Variants in BMPR1A observed in about 807,000 individuals in gnomAD.
BMPR1A encodes the protein bone morphogenetic protein receptor type-1A.
In BMPR1A, 7 loss-of-function variants were observed where a neutral mutation model predicts 66.0. That is an observed-to-expected ratio of 0.11 (90% confidence interval 0.06 to 0.20). The LOEUF (loss-of-function observed/expected upper bound fraction) is 0.20. Among genes scored for constraint, BMPR1A ranks in the 10% least tolerant of loss-of-function variants. BMPR1A has a pLI of 1.00. For synonymous variants in BMPR1A, 200 were observed against 229.7 expected (o/e 0.87, Z 1.17); for missense variants, 408 against 669.1 (o/e 0.61, Z 4.31).
intron 2 of BMPR1A, among the ~76,000 whole-genome samples, chr10:86,863,411 C>A (rs1262148903): frequency 6.6e-6 from 1 of 152,180 alleles, no homozygotes; most frequent in African/African-American, 2.4e-5. Context: ...CCAGAATACT[C>A]AAGTGTGCCT....
At chr10:86,863,750 C>T (rs762162148) in intron 2 of BMPR1A, among the ~76,000 whole-genome samples, 12 of 152,034 alleles carry the variant, frequency 7.9e-5, no homozygotes, top group Non-Finnish European at 1.8e-4. Flanking sequence ...ACCAGCTCGC[C>T]CCTGAACTTT....
chr10:86,834,186 G>A (rs1349298810), intron 1 of BMPR1A, among the ~76,000 whole-genome samples: 1 of 152,200 alleles, frequency 6.6e-6, no homozygotes, highest in African/African-American at 2.4e-5. Flanking sequence ...CTGGCAAGGG[G>A]AATGGAAATT....
At position 86,832,396 on chromosome 10, in the gene BMPR1A, G is replaced by A. The variant is rs541293468; in HGVS notation, c.-267-6469G>A. ...CAGGAGAATTGCTTGAACCCGGGAG[G>A]CAGAGGTTGTGGTGAGCTGAGTTCG... On this transcript the variant is annotated intron_variant, in intron 1 of 12. Coordinates refer to ENST00000372037, the MANE Select transcript of BMPR1A (RefSeq NM_004329.3). Among the ~76,000 whole-genome samples the A allele has an allele frequency of 4.4e-3, 667 of 151,830 alleles. 5 individuals carry two copies. The highest frequency in any genetic ancestry group is 4.1e-3 in the Non-Finnish European group (281 of 67,988).
intron 2 of BMPR1A, chr10:86,855,621 G>A (rs944580722): frequency 3.1e-6 from 2 of 640,308 alleles, no homozygotes; most frequent in Non-Finnish European, 5.6e-6. Context: ...TTTACTTTCT[G>A]TAAAGGAAGT....
At chr10:86,830,629 T>G (rs1842256271) in intron 1 of BMPR1A, among the ~76,000 whole-genome samples, 1 of 152,016 alleles carries the variant, frequency 6.6e-6, no homozygotes, top group African/African-American at 2.4e-5. Flanking sequence ...ATATATCCTC[T>G]TCAATAAAAT....
chr10:86,865,396 T>TG (rs1842771595), intron 2 of BMPR1A, among the ~76,000 whole-genome samples: 2 of 152,136 alleles, frequency 1.3e-5, no homozygotes, highest in African/African-American at 4.8e-5. Context: ...CTGAGCACCT[T>TG]GCGACCCCCA....
At chr10:86,789,295 A>G (rs1454738599) in intron 1 of BMPR1A, among the ~76,000 whole-genome samples, 2 of 152,168 alleles carry the variant, frequency 1.3e-5, no homozygotes, top group African/African-American at 4.8e-5. Context: ...GATAAATTAA[A>G]CTTTATCAAA....
chr10:86,883,876 T>C (rs1298535374), intron 3 of BMPR1A, among the ~76,000 whole-genome samples: 1 of 151,110 alleles, frequency 6.6e-6, no homozygotes, highest in Non-Finnish European at 1.5e-5. Flanking sequence ...TATGACTTTT[T>C]TTTTTTTTTT....
At chr10:86,822,185 G>T (rs1468705360) in intron 1 of BMPR1A, among the ~76,000 whole-genome samples, 1 of 151,996 alleles carries the variant, frequency 6.6e-6, no homozygotes, top group Non-Finnish European at 1.5e-5. Flanking sequence ...TTTAGCATGT[G>T]TCATGTATTT....
At chr10:86,805,516 C>T (rs1392697389) in intron 1 of BMPR1A, among the ~76,000 whole-genome samples, 2 of 142,190 alleles carry the variant, frequency 1.4e-5, no homozygotes, top group African/African-American at 5.2e-5. Flanking sequence ...GCCTGGAGTG[C>T]AGTGGCAGGA....
At chr10:86,901,195 C>T (rs1327436981) in intron 7 of BMPR1A, among the ~76,000 whole-genome samples, 1 of 152,244 alleles carries the variant, frequency 6.6e-6, no homozygotes, top group African/African-American at 2.4e-5. Context: ...TTGGAAGTGA[C>T]TGCAAGCTCC....
intron 2 of BMPR1A, 148 bp from the exon 3 acceptor site, chr10:86,875,718 TA>T (rs979565563): frequency 0.094 from 32,435 of 345,698 alleles, no homozygotes; most frequent in South Asian, 0.14. Context: ...TTATAGTGCC[TA>T]AAAAAAAAAA....
At chr10:86,883,865 G>A (rs71503854) in intron 3 of BMPR1A, among the ~76,000 whole-genome samples, 2,088 of 124,444 alleles carry the variant, frequency 0.017, 29 homozygotes, top group Middle Eastern at 0.058. Flanking sequence ...TTGTTTGAGC[G>A]TATGACTTTT....
chr10:86,863,311 G>A (rs1842737685), intron 2 of BMPR1A, among the ~76,000 whole-genome samples: 1 of 152,148 alleles, frequency 6.6e-6, no homozygotes, highest in Non-Finnish European at 1.5e-5. Context: ...ATAGCAGCCT[G>A]TGTTTTCTTT....
rs1032354891 is a variant in BMPR1A, at chr10:86,841,763, G to C, written c.-153+2784G>C. ...GGCAGGATTAGAGTCAGAACTTTCA[G>C]TTCCCGCCCCCACCAACCCCCAACA... On this transcript the variant is annotated intron_variant, in intron 2 of 12. Coordinates refer to ENST00000372037, the MANE Select transcript of BMPR1A (RefSeq NM_004329.3). Among the ~76,000 whole-genome samples the C allele has an allele frequency of 2.6e-5, 4 of 152,136 alleles. No homozygotes were observed. In the South Asian group the frequency reaches 8.3e-4, roughly 32 times the overall value.
At chr10:86,839,856 C>T (rs1398337492) in intron 2 of BMPR1A, among the ~76,000 whole-genome samples, 1 of 151,946 alleles carries the variant, frequency 6.6e-6, no homozygotes, top group Admixed American at 6.6e-5. Flanking sequence ...GTCTCATTAT[C>T]CCTCTGTGTT....
At chr10:86,852,449 G>A (rs113429405) in intron 2 of BMPR1A, among the ~76,000 whole-genome samples, 2,878 of 152,244 alleles carry the variant, frequency 0.019, 59 homozygotes, top group Non-Finnish European at 0.031. Context: ...TCCCCCTGTA[G>A]CCCCTACTCA....
chr10:86,839,553 G>A (rs754915802), intron 2 of BMPR1A, among the ~76,000 whole-genome samples: 38 of 135,202 alleles, frequency 2.8e-4, no homozygotes, highest in Non-Finnish European at 4.4e-4. Flanking sequence ...AGATCATGCC[G>A]CTGTACTCCA....
intron 7 of BMPR1A, among the ~76,000 whole-genome samples, chr10:86,907,613 A>G (rs1276698668): frequency 1.3e-5 from 2 of 152,344 alleles, no homozygotes; most frequent in East Asian, 3.9e-4. Context: ...AATGTGGTCC[A>G]TACAGTGGAA....
Sources: allele counts gnomAD v4.1 joint callset (sites outside exome capture counted in the v4.1 genomes callset), GRCh38; gene constraint gnomAD v4.1.1; transcripts MANE v1.5; gene names NCBI Gene and HGNC (gene_info 2026-07-23, HGNC 2026-07-21).